The following MRRF variants were observed in gnomAD, a reference collection of about 807,000 sequenced individuals.
MRRF encodes ribosome-recycling factor, mitochondrial.
A neutral mutation model predicts 25.1 loss-of-function variants in MRRF; 18 were observed. That is an observed-to-expected ratio of 0.72 (90% confidence interval 0.50 to 1.06). MRRF has a LOEUF of 1.06. MRRF is among the 50% of genes least tolerant of loss of function. MRRF has a pLI of 0.00. For synonymous variants in MRRF, 113 were observed against 112.1 expected (o/e 1.01, Z -0.05); for missense variants, 323 against 319.3 (o/e 1.01, Z -0.09).
In MRRF at chr9:122,291,379, C is replaced by T. The variant is rs546942279; in HGVS notation, c.460-370C>T. Among the ~76,000 whole-genome samples, 5 of 152,274 alleles carry T rather than the reference C, an allele frequency of 3.3e-5. No individual in the cohort carries two copies. The East Asian group carries it at 9.6e-4, about 29-fold the overall frequency. ...GTAAAATGTCAACTGGATTTTTTTA[C>T]GTATGAAATCTTTCATCTGTCTTTA... On this transcript the variant is annotated intron_variant, in intron 4 of 6. Coordinates refer to ENST00000344641, the MANE Select transcript of MRRF (RefSeq NM_138777.5).
chr9:122,287,673 T>C (rs1833497967), intron 4 of MRRF, among the ~76,000 whole-genome samples: 1 of 152,240 alleles, frequency 6.6e-6, no homozygotes, highest in African/African-American at 2.4e-5. Context: ...CTTAATTTTT[T>C]CTTAGGAAGT....
intron 5 of MRRF, among the ~76,000 whole-genome samples, chr9:122,295,671 CTT>C (rs1327746600): frequency 6.6e-6 from 1 of 152,134 alleles, no homozygotes. Context: ...GTCTCGAACT[CTT>C]GACCTCAAGT....
chr9:122,270,287 G>A (rs1832370286), intron 1 of MRRF, among the ~76,000 whole-genome samples: 1 of 152,234 alleles, frequency 6.6e-6, no homozygotes, highest in African/African-American at 2.4e-5. Context: ...AGGGTGGCAT[G>A]TTCCAGAGCT....
chr9:122,275,247 A>G (rs1201481271), intron 2 of MRRF, among the ~76,000 whole-genome samples: 1 of 152,076 alleles, frequency 6.6e-6, no homozygotes, highest in Non-Finnish European at 1.5e-5. Context: ...TTTGATTTAT[A>G]TCTCTCCATT....
At position 122,324,749 on chromosome 9, in the gene MRRF, T is replaced by C. The variant is rs1836073737; in HGVS notation, c.*2132T>C. On this transcript the variant is annotated 3_prime_UTR_variant, in exon 7 of 7. Coordinates refer to ENST00000344641, the MANE Select transcript of MRRF (RefSeq NM_138777.5). ...ACTTCCTCCAGATTCTCTCCTGTGCTGGAGGTAATAAGGGTTGCACTTCCC... is the reference window on the plus strand; with the variant it reads ...ACTTCCTCCAGATTCTCTCCTGTGCCGGAGGTAATAAGGGTTGCACTTCCC... 1 of 152,252 alleles carries C rather than the reference T, an allele frequency of 6.6e-6. No homozygotes were observed. Among genetic ancestry groups the C allele is most frequent in the South Asian group, 2.1e-4 (1 of 4,830 alleles). The allele number at this position is 152,252 out of a possible 1,614,324, so 9.4% of individuals were successfully genotyped here. A position where few individuals can be genotyped will look rare whatever the true frequency, so the allele number is the denominator to read the frequency against.
At chr9:122,276,587 T>C (rs1365450103) in intron 2 of MRRF, among the ~76,000 whole-genome samples, 1 of 152,242 alleles carries the variant, frequency 6.6e-6, no homozygotes, top group Middle Eastern at 3.2e-3. Context: ...ATGGTTGTTT[T>C]GGGGTTAGCT....
At chr9:122,285,827 A>C in intron 4 of MRRF, 1 of 1,282,894 alleles carries the variant, frequency 7.8e-7, no homozygotes, top group Non-Finnish European at 1.0e-6. Flanking sequence ...ATGTGGCCTG[A>C]GGGCCACCAA....
intron 5 of MRRF, among the ~76,000 whole-genome samples, chr9:122,300,700 C>A (rs1455397463): frequency 6.6e-6 from 1 of 152,156 alleles, no homozygotes; most frequent in Non-Finnish European, 1.5e-5. Flanking sequence ...CTTCCTGAAG[C>A]CCCATGTTCT....
At chr9:122,288,489 T>C (rs550445619) in intron 4 of MRRF, among the ~76,000 whole-genome samples, 1 of 152,368 alleles carries the variant, frequency 6.6e-6, no homozygotes, top group East Asian at 1.9e-4. Flanking sequence ...AGAGCCAGGA[T>C]TTGAACATAT....
chr9:122,318,949 C>T (rs889245648), intron 6 of MRRF, among the ~76,000 whole-genome samples: 2 of 152,062 alleles, frequency 1.3e-5, no homozygotes, highest in Non-Finnish European at 2.9e-5. Flanking sequence ...GTTTCTTTAT[C>T]CTCTTCTCCC....
chr9:122,294,105 C>G (rs963803215), intron 5 of MRRF, among the ~76,000 whole-genome samples: 1 of 152,222 alleles, frequency 6.6e-6, no homozygotes, highest in African/African-American at 2.4e-5. Context: ...AAACCTTGGA[C>G]AGTCACTTAA....
chr9:122,267,626 A>G (rs983509192), intron 1 of MRRF, among the ~76,000 whole-genome samples: 3 of 152,112 alleles, frequency 2.0e-5, no homozygotes, highest in Admixed American at 6.5e-5. Flanking sequence ...TTCTATATGC[A>G]TTGTATAGCA....
intron 2 of MRRF, 142 bp downstream of exon 2, chr9:122,271,217 A>G (rs1377731873): frequency 1.3e-6 from 1 of 789,798 alleles, no homozygotes; most frequent in African/African-American, 1.7e-5. Context: ...TCATTGGATT[A>G]GCTTAAAAGG....
rs368019979 is a variant in MRRF, at chr9:122,280,469, A to G, written c.211A>G (p.Arg71Gly). ...KAKGKGQSQTRVNINAALVED... is the reference protein window; with the variant it reads ...KAKGKGQSQTGVNINAALVED... ...CAAAGGGAAAGGACAGTCCCAAACC[A>G]GAGTGAATATTAATGCTGCCTTGGT... The change falls in exon 3 of 7, where the codon AGA becomes GGA. Residue 71 changes from arginine (R) to glycine (G), a missense_variant. Coordinates refer to ENST00000344641, the MANE Select transcript of MRRF (RefSeq NM_138777.5). 6.2e-7 allele frequency: 1 copy of G among 1,614,192 alleles called. No homozygotes were observed.
chr9:122,312,537 C>T (rs899149116), intron 5 of MRRF, among the ~76,000 whole-genome samples: 7 of 152,268 alleles, frequency 4.6e-5, no homozygotes, highest in African/African-American at 1.7e-4. Flanking sequence ...CTTCCTTGAG[C>T]AAGAACCGTG....
At chr9:122,265,864 C>A in intron 1 of MRRF, 2 of 748,784 alleles carry the variant, frequency 2.7e-6, no homozygotes, top group Non-Finnish European at 4.0e-6. Flanking sequence ...CCTTCTTTGG[C>A]CGTGCCAGGT....
Position 122,291,854 on chromosome 9 carries a change from A to G in MRRF, c.551+14A>G. On this transcript the variant is annotated intron_variant, in intron 5 of 6. Coordinates refer to ENST00000344641, the MANE Select transcript of MRRF (RefSeq NM_138777.5). Reference sequence around the variant, plus strand: ...ACCCATTCCCCAGTAAGTTTGGCTGAAATTCACATATTTTGATGAAACGGG... The same window carrying G: ...ACCCATTCCCCAGTAAGTTTGGCTGGAATTCACATATTTTGATGAAACGGG... The G allele has an allele frequency of 6.3e-7, 1 of 1,585,724 alleles. No homozygotes were observed. Among genetic ancestry groups the G allele is most frequent in the Non-Finnish European group, 8.7e-7 (1 of 1,154,140 alleles).
intron 3 of MRRF, among the ~76,000 whole-genome samples, chr9:122,282,588 A>G (rs1833147530): frequency 6.6e-6 from 1 of 152,242 alleles, no homozygotes. Flanking sequence ...ATCTTGGGCA[A>G]GTTACTCTGT....
intron 6 of MRRF, among the ~76,000 whole-genome samples, chr9:122,316,300 C>A (rs537742434): frequency 1.3e-5 from 2 of 152,020 alleles, no homozygotes; most frequent in Non-Finnish European, 2.9e-5. Flanking sequence ...CTCAGACTCC[C>A]GAGTAGCTGG....
Sources: gnomAD v4.1 joint callset for allele counts (sites outside exome capture counted in the v4.1 genomes callset) on GRCh38, gnomAD v4.1.1 for gene constraint, MANE v1.5 for transcripts, NCBI Gene and HGNC (gene_info 2026-07-23, HGNC 2026-07-21) for gene names.